The following EFTUD2 variants were observed in gnomAD, a reference collection of about 807,000 sequenced individuals.
EFTUD2 encodes 116 kDa U5 small nuclear ribonucleoprotein component.
Under a neutral mutation model 114.3 loss-of-function variants are expected in EFTUD2, and 9 were observed. That is an observed-to-expected ratio of 0.08 (90% CI 0.05 to 0.14). EFTUD2 has a LOEUF of 0.14. Among genes scored for constraint, EFTUD2 ranks in the 10% least tolerant of loss-of-function variants. The probability of loss-of-function intolerance (pLI) is 1.00; values close to 1 mark genes in which losing one functional copy is unlikely to be tolerated. For synonymous variants in EFTUD2, 449 were observed against 462.3 expected, an observed-to-expected ratio of 0.97 and a Z score of 0.37; for missense variants, 765 against 1,241.2, an observed-to-expected ratio of 0.62 and a Z score of 5.76.
At chr17:44,887,028 C>T (rs1179037345) in intron 2 of EFTUD2, among the ~76,000 whole-genome samples, 3 of 152,204 alleles carry the variant, frequency 2.0e-5, no homozygotes, top group Non-Finnish European at 2.9e-5. Flanking sequence ...AATCACAGCA[C>T]AGCCCTTTAC....
At chr17:44,873,709 G>A (rs2050895028) in intron 10 of EFTUD2, among the ~76,000 whole-genome samples, 1 of 149,650 alleles carries the variant, frequency 6.7e-6, no homozygotes, top group East Asian at 2.0e-4. Flanking sequence ...ATCAGGTTAA[G>A]TTCAGCTCTA....
At chr17:44,894,965 T>C (rs1004654346) in intron 1 of EFTUD2, among the ~76,000 whole-genome samples, 2 of 152,294 alleles carry the variant, frequency 1.3e-5, no homozygotes, top group Non-Finnish European at 2.9e-5. Flanking sequence ...TTTTCCTAAA[T>C]TATTTGAAAG....
chr17:44,872,341 C>G, intron 11 of EFTUD2, 105 bp downstream of exon 11: 1 of 1,455,968 alleles, frequency 6.9e-7, no homozygotes. Flanking sequence ...ATAAAATGTT[C>G]CCCCAGCAGG....
chr17:44,880,396 T>A (rs1408288554), intron 8 of EFTUD2, 158 bp downstream of exon 8: 3 of 549,830 alleles, frequency 5.5e-6, no homozygotes, highest in Non-Finnish European at 9.8e-6. Flanking sequence ...AATTAACAAG[T>A]CAGAAACAAA....
At chr17:44,892,452 T>C (rs538425576) in intron 2 of EFTUD2, 2 of 152,276 alleles carry the variant, frequency 1.3e-5, no homozygotes, top group African/African-American at 4.8e-5. Flanking sequence ...TGTGACCTCC[T>C]CTAATTGTAT....
chr17:44,851,644 A>C, intron 27 of EFTUD2, 66 bp downstream of exon 27: 1 of 1,427,080 alleles, frequency 7.0e-7, no homozygotes, highest in Non-Finnish European at 9.4e-7. Flanking sequence ...AAAGAAAGAG[A>C]GAGAGATCCT....
intron 13 of EFTUD2, 40 bp from the exon 14 acceptor site, chr17:44,865,105 C>G (rs2050721896): frequency 6.2e-7 from 1 of 1,612,256 alleles, no homozygotes; most frequent in Admixed American, 1.7e-5. Context: ...GTAGTGAGAG[C>G]CTGAGCATGG....
At chr17:44,891,709 A>AT (rs1165525921) in intron 2 of EFTUD2, 2 of 152,108 alleles carry the variant, frequency 1.3e-5, no homozygotes, top group African/African-American at 2.4e-5. Context: ...TATAATTCAC[A>AT]TTCCATACAA....
At chr17:44,879,181 G>A (rs1201504906) in intron 9 of EFTUD2, among the ~76,000 whole-genome samples, 2 of 152,070 alleles carry the variant, frequency 1.3e-5, no homozygotes, top group Non-Finnish European at 2.9e-5. Flanking sequence ...CAACTCCCAG[G>A]CTCAAGTGAT....
At chr17:44,872,365 G>A (rs1292070859) in intron 11 of EFTUD2, 81 bp downstream of exon 11, 2 of 1,581,140 alleles carry the variant, frequency 1.3e-6, no homozygotes, top group Non-Finnish European at 1.7e-6. Flanking sequence ...CTGATACGAA[G>A]CCAATTTCTG....
Position 44,857,086 on chromosome 17 carries a change from C to A in EFTUD2, c.2034G>T (p.Thr678=). The A allele has an allele frequency of 1.2e-6, 2 of 1,613,780 alleles. No individual in the cohort carries two copies. The highest frequency in any genetic ancestry group is 1.1e-5 in the South Asian group (1 of 91,076). ...TGCTCCCAGCTTACTTCTTATTAGG[C>A]GTTTCAGCAAAGCACTTGAGGGAGG... ...ETSSLKCFAE[T]PNKKNKITMI... The change falls in exon 20 of 28, where the codon ACG becomes ACT. Residue 678 remains threonine, a synonymous_variant. Coordinates refer to ENST00000426333, the MANE Select transcript of EFTUD2 (RefSeq NM_004247.4).
chr17:44,887,195 A>C (rs569282830), intron 2 of EFTUD2, among the ~76,000 whole-genome samples: 1 of 152,350 alleles, frequency 6.6e-6, no homozygotes, highest in African/African-American at 2.4e-5. Flanking sequence ...AAGGATGTGG[A>C]GAAACTGAAA....
chr17:44,894,340 A>C lies in EFTUD2; in HGVS notation c.105+77T>G, dbSNP rs997723985. The C allele has an allele frequency of 2.2e-5, 28 of 1,290,272 alleles. 1 individual carries two copies. Among genetic ancestry groups the C allele is most frequent in the Non-Finnish European group, 3.1e-5 (28 of 896,440 alleles). The allele number at this position is 1,290,272 out of a possible 1,614,324, so 79.9% of individuals were successfully genotyped here. ...AGCTGAGATTGCGCCACTGCACTCC[A>C]ACCTGGCAAGAGAGTGAGATCTTGT... On this transcript the variant is annotated intron_variant, in intron 2 of 27. Transcript: ENST00000426333.
At chr17:44,883,831 C>T (rs1372198124) in intron 4 of EFTUD2, 107 bp from the exon 5 acceptor site, 1 of 970,618 alleles carries the variant, frequency 1.0e-6, no homozygotes, top group African/African-American at 1.6e-5. Context: ...ACTTTCAGAC[C>T]AACTGGAGAG....
chr17:44,860,178 G>C lies in EFTUD2; in HGVS notation c.1720-133C>G, dbSNP rs150520974. 1,357 of 1,300,560 alleles carry C rather than the reference G, an allele frequency of 1.0e-3. 14 individuals carry two copies. In the African/African-American group the frequency reaches 0.017, roughly 17 times the overall value. The allele number at this position is 1,300,560 out of a possible 1,614,324, so 80.6% of individuals were successfully genotyped here. A position where few individuals can be genotyped will look rare whatever the true frequency, so the allele number is the denominator to read the frequency against. On this transcript the variant is annotated intron_variant, in intron 17 of 27. Transcript: ENST00000426333. Reference sequence around the variant, plus strand: ...CCCAACCAGGAGCCTGGTGCTGAGTGGGGGTAACCTGAAGGGCCATTTCTT... The same window carrying C: ...CCCAACCAGGAGCCTGGTGCTGAGTCGGGGTAACCTGAAGGGCCATTTCTT...
At chr17:44,880,943 A>C (rs1204205817) in intron 7 of EFTUD2, among the ~76,000 whole-genome samples, 1 of 152,242 alleles carries the variant, frequency 6.6e-6, no homozygotes, top group African/African-American at 2.4e-5. Context: ...CATTAGAAAC[A>C]AAAACAATAG....
rs182289114 is a variant in EFTUD2 at position 44,880,837 on chromosome 17, T to C, written c.529-193A>G. Among the ~76,000 whole-genome samples the C allele has an allele frequency of 3.2e-3, 480 of 152,334 alleles. No individual in the cohort carries two copies. The highest frequency in any genetic ancestry group is 5.3e-3 in the Non-Finnish European group (363 of 68,042). On this transcript the variant is annotated intron_variant, in intron 7 of 27. Coordinates refer to ENST00000426333, the MANE Select transcript of EFTUD2 (RefSeq NM_004247.4). The stretch of plus-strand genomic sequence containing the variant: ...TTAGACACCATTTTTGGGGGACTTG[T>C]TTCAAATGTGAAAAGATGAAAATGA...
rs557896229 is a variant in EFTUD2, at chr17:44,898,080, G to A, written c.-5+1289C>T. On this transcript the variant is annotated intron_variant, in intron 1 of 27. Transcript: ENST00000426333. ...TGTAGAGAGAGAATTGGAGCTCCAAGGACCAATAATTAAATGTAAATTATT... is the reference window on the plus strand; with the variant it reads ...TGTAGAGAGAGAATTGGAGCTCCAAAGACCAATAATTAAATGTAAATTATT... 2.6e-5 allele frequency among the ~76,000 whole-genome samples: 4 copies of A among 152,198 alleles called. No individual in the cohort carries two copies. In the East Asian group the frequency reaches 7.7e-4, roughly 29 times the overall value.
chr17:44,880,413 A>G, intron 8 of EFTUD2, 141 bp downstream of exon 8: 1 of 581,114 alleles, frequency 1.7e-6, no homozygotes, highest in South Asian at 2.2e-5. Flanking sequence ...CAAAGGAGAG[A>G]GTCAAAATGG....
Sources: allele counts gnomAD v4.1 joint callset (sites outside exome capture counted in the v4.1 genomes callset), GRCh38; gene constraint gnomAD v4.1.1; transcripts MANE v1.5; gene names NCBI Gene and HGNC (gene_info 2026-07-23, HGNC 2026-07-21).